The following CLYBL variants were observed in gnomAD, a reference collection of about 807,000 sequenced individuals.
CLYBL encodes citramalyl-CoA lyase.
Under a neutral mutation model 38.9 loss-of-function variants are expected in CLYBL, and 31 were observed. That is an observed-to-expected ratio of 0.80 (90% CI 0.60 to 1.08). The LOEUF (loss-of-function observed/expected upper bound fraction) is 1.08. CLYBL is among the 50% of genes least tolerant of loss of function. The pLI, the probability that CLYBL is intolerant of heterozygous loss-of-function variation, is 0.00. For missense variants in CLYBL, 434 were observed against 411.6 expected, an observed-to-expected ratio of 1.05 and a Z score of -0.47; for synonymous variants, 171 against 158.6, an observed-to-expected ratio of 1.08 and a Z score of -0.59.
At chr13:99,725,717 C>T (rs1178324366) in intron 1 of CLYBL, among the ~76,000 whole-genome samples, 3 of 152,128 alleles carry the variant, frequency 2.0e-5, no homozygotes, top group South Asian at 2.1e-4. Flanking sequence ...AAGGTCTGTT[C>T]GGTATCCGTA....
intron 2 of CLYBL, among the ~76,000 whole-genome samples, chr13:99,817,549 G>T (rs1350313275): frequency 6.6e-6 from 1 of 151,582 alleles, no homozygotes; most frequent in Non-Finnish European, 1.5e-5. Flanking sequence ...CAGCTACTCA[G>T]GAGGCTGAGG....
At chr13:99,861,579 C>A (rs1040811983) in intron 3 of CLYBL, among the ~76,000 whole-genome samples, 1 of 152,178 alleles carries the variant, frequency 6.6e-6, no homozygotes. Context: ...TAAATTGTCA[C>A]CCCCTGCTCC....
rs545419040 is a variant in CLYBL, at chr13:99,796,175, G to A, written c.249+23165G>A. On this transcript the variant is annotated intron_variant, in intron 2 of 8. Transcript: ENST00000339105. Reference sequence around the variant, plus strand: ...CTGGTCAGGGCCATCATGGCTCCCTGTGCTGGCAGCCATGATTGGGCTGCT... The same window carrying A: ...CTGGTCAGGGCCATCATGGCTCCCTATGCTGGCAGCCATGATTGGGCTGCT... Among the ~76,000 whole-genome samples the A allele has an allele frequency of 1.2e-4, 18 of 152,314 alleles. No individual in the cohort carries two copies. In the South Asian group the frequency reaches 1.5e-3, roughly 12 times the overall value.
At chr13:99,839,409 A>G (rs990530899) in intron 2 of CLYBL, among the ~76,000 whole-genome samples, 2 of 152,222 alleles carry the variant, frequency 1.3e-5, no homozygotes, top group African/African-American at 4.8e-5. Flanking sequence ...TGCCAAGAGG[A>G]TGGCAGGGCT....
chr13:99,850,772 C>T (rs1261271584), intron 2 of CLYBL, among the ~76,000 whole-genome samples: 2 of 152,080 alleles, frequency 1.3e-5, no homozygotes, highest in Non-Finnish European at 1.5e-5. Flanking sequence ...TGAAACAATC[C>T]AAATGTCTAC....
chr13:99,641,022 A>T (rs2047084865), intron 1 of CLYBL, among the ~76,000 whole-genome samples: 1 of 152,200 alleles, frequency 6.6e-6, no homozygotes, highest in Non-Finnish European at 1.5e-5. Flanking sequence ...TAGAATTCTC[A>T]TTAGTTGGTT....
At chr13:99,855,543 G>A (rs548155516) in intron 2 of CLYBL, among the ~76,000 whole-genome samples, 1 of 152,272 alleles carries the variant, frequency 6.6e-6, no homozygotes, top group African/African-American at 2.4e-5. Context: ...ATGAGGTGGT[G>A]GAGATGAGAG....
intron 1 of CLYBL, among the ~76,000 whole-genome samples, chr13:99,752,297 C>T (rs1199977985): frequency 1.3e-5 from 2 of 152,122 alleles, no homozygotes; most frequent in Admixed American, 1.3e-4. Context: ...TGCCACCCAG[C>T]CTAGCTTGGA....
At chr13:99,827,964 T>A (rs2050728674) in intron 2 of CLYBL, among the ~76,000 whole-genome samples, 1 of 152,154 alleles carries the variant, frequency 6.6e-6, no homozygotes, top group Non-Finnish European at 1.5e-5. Context: ...TTGCATAGTC[T>A]CCCCTTCCCT....
chr13:99,762,601 G>A (rs1459391080), intron 1 of CLYBL, among the ~76,000 whole-genome samples: 2 of 152,162 alleles, frequency 1.3e-5, no homozygotes, highest in East Asian at 1.9e-4. Flanking sequence ...GTCAGGTAGT[G>A]TGATGCTTCC....
At chr13:99,856,795 C>G (rs1292114095) in intron 2 of CLYBL, among the ~76,000 whole-genome samples, 1 of 151,814 alleles carries the variant, frequency 6.6e-6, no homozygotes, top group Non-Finnish European at 1.5e-5. Flanking sequence ...TGTGCCACTA[C>G]ACCCGGCTAA....
In CLYBL at chr13:99,822,542, C is replaced by G. The variant is rs540108063; in HGVS notation, c.250-36319C>G. ...AAGCACAACACAATCACGGGTCACC[C>G]CAGCAGACCTTAGCGAGTCTAGCCA... On this transcript the variant is annotated intron_variant, in intron 2 of 8. Transcript: ENST00000339105. 4.6e-5 allele frequency among the ~76,000 whole-genome samples: 7 copies of G among 152,316 alleles called. No homozygotes were observed. The South Asian group carries it at 6.2e-4, about 14-fold the overall frequency.
At chr13:99,754,983 C>T (rs1294147354) in intron 1 of CLYBL, among the ~76,000 whole-genome samples, 4 of 151,998 alleles carry the variant, frequency 2.6e-5, no homozygotes, top group African/African-American at 4.8e-5. Context: ...CTGCAAGCTC[C>T]GCCTCCCAGG....
chr13:99,629,221 C>G (rs2046910347), intron 1 of CLYBL, among the ~76,000 whole-genome samples: 1 of 152,214 alleles, frequency 6.6e-6, no homozygotes, highest in South Asian at 2.1e-4. Context: ...AGGGGGCTAT[C>G]CCAGCTTCAG....
At chr13:99,821,600 A>C (rs534387035) in intron 2 of CLYBL, among the ~76,000 whole-genome samples, 1 of 152,342 alleles carries the variant, frequency 6.6e-6, no homozygotes, top group East Asian at 1.9e-4. Flanking sequence ...TCTTCTCCCC[A>C]GCTCTCACAG....
chr13:99,666,679 A>C (rs1041478368), intron 1 of CLYBL, among the ~76,000 whole-genome samples: 1 of 151,754 alleles, frequency 6.6e-6, no homozygotes. Flanking sequence ...GGAAAAATGA[A>C]TGATTTTTCA....
intron 1 of CLYBL, among the ~76,000 whole-genome samples, chr13:99,637,430 TGTG>T (rs1414747195): frequency 6.6e-6 from 1 of 152,178 alleles, no homozygotes; most frequent in Admixed American, 6.5e-5. Flanking sequence ...GCCAGTGAAA[TGTG>T]GTAAAGAAGA....
At chr13:99,716,599 GTCTCAAACTCCTGACC>G (rs1482858813) in intron 1 of CLYBL, among the ~76,000 whole-genome samples, 1 of 151,242 alleles carries the variant, frequency 6.6e-6, no homozygotes, top group Non-Finnish European at 1.5e-5. Flanking sequence ...GGTCAGGCTG[GTCTCAAACTCCTGACC>G]TCAGGTGATC....
intron 1 of CLYBL, among the ~76,000 whole-genome samples, chr13:99,715,392 ATTTTCTTT>A (rs1477247003): frequency 3.4e-5 from 5 of 148,064 alleles, no homozygotes; most frequent in East Asian, 2.0e-4. Context: ...CTTTATAGAG[ATTTTCTTT>A]TTTTCTTTTT....
Sources: gnomAD v4.1 joint callset for allele counts (sites outside exome capture counted in the v4.1 genomes callset) on GRCh38, gnomAD v4.1.1 for gene constraint, MANE v1.5 for transcripts, NCBI Gene and HGNC (gene_info 2026-07-23, HGNC 2026-07-21) for gene names.